The following ABCA13 variants were observed in gnomAD, a reference collection of about 807,000 sequenced individuals.
ABCA13 encodes ATP-binding cassette sub-family A member 13.
In ABCA13, 476 loss-of-function variants were observed where a neutral mutation model predicts 478.7. That is an observed-to-expected ratio of 0.99 (90% confidence interval 0.92 to 1.07). The LOEUF (loss-of-function observed/expected upper bound fraction) is 1.07. ABCA13 is among the 50% of genes least tolerant of loss of function. The pLI is 0.00. For missense variants in ABCA13, 6,060 were observed against 5,910.6 expected, an observed-to-expected ratio of 1.03 and a Z score of -0.83; for synonymous variants, 2,252 against 2,158.9, an observed-to-expected ratio of 1.04 and a Z score of -1.20.
chr7:48,412,059 A>C (rs1819333681), intron 40 of ABCA13, among the ~76,000 whole-genome samples: 1 of 152,182 alleles, frequency 6.6e-6, no homozygotes. Context: ...GGGGCACTTC[A>C]TGAATACAAA....
chr7:48,276,082 C>A lies in ABCA13; in HGVS notation c.6416C>A (p.Ser2139Tyr), dbSNP rs753184508. 1 of 1,602,382 alleles carries A rather than the reference C, an allele frequency of 6.2e-7. No individual in the cohort carries two copies. The highest frequency in any genetic ancestry group is 1.3e-5 in the African/African-American group (1 of 74,498). ...CAGGAATATGCAAATGAGGATTACT[C>A]CAGAATGATAGAAACATTATTCATT... ...WLQEYANEDY[S>Y]RMIETLFIPV... The change falls in exon 17 of 62, where the codon TCC (serine) becomes TAC (tyrosine). Residue 2139 changes from serine to tyrosine, a missense_variant. Physicochemically the swap from Ser to Tyr is moderately radical, Grantham distance 144. Around this residue, in one of 3 missense-constraint regions of ABCA13, gnomAD observed 4,423 missense variants for 4,309.1 expected, o/e 1.03. Transcript: ENST00000435803.
At chr7:48,345,671 A>G (rs952793148) in intron 29 of ABCA13, among the ~76,000 whole-genome samples, 8 of 152,212 alleles carry the variant, frequency 5.3e-5, no homozygotes, top group African/African-American at 1.9e-4. Context: ...AAAAAATTAA[A>G]AAGTTTATAA....
chr7:48,523,051 G>T (rs948375773), intron 53 of ABCA13, among the ~76,000 whole-genome samples: 2 of 152,166 alleles, frequency 1.3e-5, no homozygotes, highest in African/African-American at 4.8e-5. Flanking sequence ...CATTGATGTA[G>T]CCCCCTCTCA....
At chr7:48,242,891 A>T (rs999547101) in intron 10 of ABCA13, 11 of 152,294 alleles carry the variant, frequency 7.2e-5, no homozygotes, top group African/African-American at 2.2e-4. Context: ...TCTCTTCCTA[A>T]GCTGCAAAGT....
Position 48,506,361 on chromosome 7 carries a change from T to C in ABCA13, c.13317T>C (p.Tyr4439=). 1 of 1,613,844 alleles carries C rather than the reference T, an allele frequency of 6.2e-7. No individual in the cohort carries two copies. Among genetic ancestry groups the C allele is most frequent in the South Asian group, 1.1e-5 (1 of 91,076 alleles). The change falls in exon 49 of 62, where the codon TAT becomes TAC. Residue 4439 remains tyrosine, a synonymous_variant. Transcript: ENST00000435803. ...GAATAACACTCTACAGCCACCCATA[T>C]GGAGGGGCCTTGCTGAACGAGGACA... is the stretch of plus-strand genomic sequence containing the variant. ...QYGITLYSHP[Y]GGALLNEDKI... is the part of the protein sequence containing the mutation.
chr7:48,344,228 AC>A (rs1401242614), intron 29 of ABCA13, among the ~76,000 whole-genome samples: 1 of 152,198 alleles, frequency 6.6e-6, no homozygotes, highest in African/African-American at 2.4e-5. Flanking sequence ...CTGCCACCTA[AC>A]AGGTAGAGGC....
chr7:48,248,561 G>T, intron 14 of ABCA13, 117 bp downstream of exon 14: 1 of 886,060 alleles, frequency 1.1e-6, no homozygotes, highest in Non-Finnish European at 1.6e-6. Flanking sequence ...ATAGAAAGAG[G>T]TTCAATTTAT....
chr7:48,247,868 A>G (rs894828383), intron 13 of ABCA13, among the ~76,000 whole-genome samples: 2 of 152,128 alleles, frequency 1.3e-5, no homozygotes, highest in Non-Finnish European at 1.5e-5. Flanking sequence ...CTTCAGCTGC[A>G]TTCTATGGGT....
At chr7:48,425,228 C>A (rs1048979187) in intron 41 of ABCA13, among the ~76,000 whole-genome samples, 1 of 152,116 alleles carries the variant, frequency 6.6e-6, no homozygotes, top group African/African-American at 2.4e-5. Context: ...CACTCACACA[C>A]ACACACCCTC....
At chr7:48,532,023 T>C (rs148515278) in intron 55 of ABCA13, among the ~76,000 whole-genome samples, 2,607 of 152,224 alleles carry the variant, frequency 0.017, 79 homozygotes, top group African/African-American at 0.059. Flanking sequence ...TGGCTAGGAC[T>C]TCCAGTATTA....
At chr7:48,473,896 C>T (rs1244553195) in intron 45 of ABCA13, among the ~76,000 whole-genome samples, 1 of 152,284 alleles carries the variant, frequency 6.6e-6, no homozygotes, top group Non-Finnish European at 1.5e-5. Context: ...CACATGTAAG[C>T]GGGAATAGTG....
intron 55 of ABCA13, among the ~76,000 whole-genome samples, chr7:48,576,025 A>T (rs1259143469): frequency 1.3e-5 from 2 of 152,214 alleles, no homozygotes; most frequent in Non-Finnish European, 2.9e-5. Context: ...AAAATACAGC[A>T]TAACCACCGT....
In ABCA13 at chr7:48,295,696, C is replaced by T. The variant is rs778597160; in HGVS notation, c.8956-4C>T. 4 of 1,613,928 alleles carry T rather than the reference C, an allele frequency of 2.5e-6. No homozygotes were observed. In the South Asian group the frequency reaches 4.4e-5, roughly 18 times the overall value. On this transcript the variant is annotated splice_polypyrimidine_tract_variant and splice_region_variant and intron_variant, in intron 20 of 61. Coordinates refer to ENST00000435803, the MANE Select transcript of ABCA13 (RefSeq NM_152701.5). ...CTAACCTATATCATTGCTATGTTTT[C>T]TAGGAAATTGAAAAGATATGGTCCT...
At chr7:48,262,983 G>C (rs140440905) in intron 15 of ABCA13, among the ~76,000 whole-genome samples, 1 of 152,040 alleles carries the variant, frequency 6.6e-6, no homozygotes, top group African/African-American at 2.4e-5. Flanking sequence ...CATGGGTAAG[G>C]TGAGATGAAT....
intron 42 of ABCA13, among the ~76,000 whole-genome samples, chr7:48,432,564 C>G (rs1382056656): frequency 6.6e-6 from 1 of 152,142 alleles, no homozygotes; most frequent in African/African-American, 2.4e-5. Flanking sequence ...GACATGGAAT[C>G]AACCTAAGTG....
At chr7:48,632,494 G>A (rs1049686718) in intron 59 of ABCA13, among the ~76,000 whole-genome samples, 31 of 152,074 alleles carry the variant, frequency 2.0e-4, no homozygotes, top group Non-Finnish European at 7.4e-5. Flanking sequence ...TGCCAAATCC[G>A]AGGTCATGAA....
At chr7:48,354,098 C>T (rs1230935052) in intron 31 of ABCA13, among the ~76,000 whole-genome samples, 1 of 151,964 alleles carries the variant, frequency 6.6e-6, no homozygotes, top group Non-Finnish European at 1.5e-5. Context: ...CCTGAGAGCT[C>T]TGAGAATTAG....
Position 48,440,238 on chromosome 7 carries a change from C to T in ABCA13, c.12565+12367C>T, listed in dbSNP as rs556437093. On this transcript the variant is annotated intron_variant, in intron 42 of 61. Transcript: ENST00000435803. The stretch of plus-strand genomic sequence containing the variant: ...CCACCCAGATTGAGCTAGAACTTTC[C>T]CAGTACTTCAGCAGGCACCCTCACA... Among the ~76,000 whole-genome samples, 30 of 152,194 alleles carry T rather than the reference C, an allele frequency of 2.0e-4. No homozygotes were observed. The East Asian group carries it at 5.2e-3, about 26-fold the overall frequency.
At position 48,504,708 on chromosome 7, in the gene ABCA13, T is replaced by G. The variant is rs757909016; in HGVS notation, c.13292-1628T>G. Reference sequence around the variant, plus strand: ...AGAAGAGCACACAACATTGCAAATATACTCCACAGCACCAGTGGTCCACGG... The same window carrying G: ...AGAAGAGCACACAACATTGCAAATAGACTCCACAGCACCAGTGGTCCACGG... On this transcript the variant is annotated intron_variant, in intron 48 of 61. Coordinates refer to ENST00000435803, the MANE Select transcript of ABCA13 (RefSeq NM_152701.5). Among the ~76,000 whole-genome samples, 22 of 152,164 alleles carry G rather than the reference T, an allele frequency of 1.4e-4. 1 individual carries two copies. Among genetic ancestry groups the G allele is most frequent in the Non-Finnish European group, 2.4e-4 (16 of 68,036 alleles).
Sources: gnomAD v4.1 joint callset for allele counts (sites outside exome capture counted in the v4.1 genomes callset) on GRCh38, gnomAD v4.1.1 for gene constraint, gnomAD v4.1.1 regional missense constraint, MANE v1.5 for transcripts, NCBI Gene and HGNC (gene_info 2026-07-23, HGNC 2026-07-21) for gene names.